Variants in SFT2D2 observed in about 807,000 individuals in gnomAD.
SFT2D2 encodes vesicle transport protein SFT2B.
In SFT2D2, 21 loss-of-function variants were observed where a neutral mutation model predicts 27.4. The observed-to-expected ratio is 0.77, with a 90% CI of 0.54 to 1.10. SFT2D2 has a LOEUF of 1.10. SFT2D2 is among the 50% of genes least tolerant of loss of function. The pLI, the probability that SFT2D2 is intolerant of heterozygous loss-of-function variation, is 0.00. For missense variants in SFT2D2, 187 were observed against 194.2 expected (o/e 0.96, Z 0.22); for synonymous variants, 72 against 71.7 (o/e 1.00, Z -0.02).
At chr1:168,242,018 C>T (rs2280991) in intron 7 of SFT2D2, among the ~76,000 whole-genome samples, 82,114 of 151,992 alleles carry the variant, frequency 0.54, 23,758 homozygotes, top group Non-Finnish European at 0.66. Flanking sequence ...CACTGAATTC[C>T]AAGCAGTAAA....
At chr1:168,226,572 C>G (rs1700461216) in intron 1 of SFT2D2, among the ~76,000 whole-genome samples, 1 of 151,610 alleles carries the variant, frequency 6.6e-6, no homozygotes, top group African/African-American at 2.4e-5. Context: ...GCGGTCCCTA[C>G]CTCGCGACGG....
chr1:168,245,564 C>CTTTTTTT lies in SFT2D2; in HGVS notation c.*3036_*3042dup, dbSNP rs3062328. ...CAGTCCCCATCCAAAGCCAAGCAGG[C>CTTTTTTT]TTTTTTTTTTTTTTTTTTGTAGAAA... On this transcript the variant is annotated 3_prime_UTR_variant, in exon 8 of 8. Coordinates refer to ENST00000271375, the MANE Select transcript of SFT2D2 (RefSeq NM_199344.3). The CTTTTTTT allele has an allele frequency of 1.6e-5, 2 of 122,106 alleles. 1 individual carries two copies. The highest frequency in any genetic ancestry group is 6.2e-5 in the African/African-American group (2 of 32,432). 7.6% of individuals were successfully genotyped at this position (122,106 alleles called of 1,614,324 possible).
At position 168,246,671 on chromosome 1, in the gene SFT2D2, C is replaced by T. The variant is rs904812040; in HGVS notation, c.*4131C>T. On this transcript the variant is annotated 3_prime_UTR_variant, in exon 8 of 8. Coordinates refer to ENST00000271375, the MANE Select transcript of SFT2D2 (RefSeq NM_199344.3). ...TCTGTTGAGTGACTTTGATCATGAT[C>T]ATGTAGAGCAACATTCAGTCTACGA... 5.7e-6 allele frequency: 7 copies of T among 1,226,964 alleles called. No homozygotes were observed. The highest frequency in any genetic ancestry group is 1.5e-5 in the African/African-American group (1 of 67,328). 76.0% of individuals were successfully genotyped at this position (1,226,964 alleles called of 1,614,324 possible). A position where few individuals can be genotyped will look rare whatever the true frequency, so the allele number is the denominator to read the frequency against.
Position 168,226,145 on chromosome 1 carries a change from G to A in SFT2D2, c.63+3G>A. On this transcript the variant is annotated splice_donor_region_variant and intron_variant, in intron 1 of 7. Transcript: ENST00000271375. ...AGGACCGGAGCGGCCTGTCCGAGGT[G>A]AGTGAGCCCGGGGCCGTCGGCCCCC... 1.3e-6 allele frequency: 2 copies of A among 1,531,730 alleles called. No homozygotes were observed. Among genetic ancestry groups the A allele is most frequent in the Non-Finnish European group, 1.8e-6 (2 of 1,138,802 alleles). 94.9% of individuals were successfully genotyped at this position (1,531,730 alleles called of 1,614,324 possible).
chr1:168,244,834 A>T lies in SFT2D2; in HGVS notation c.*2294A>T, dbSNP rs1167263137. Reference sequence around the variant, plus strand: ...CTGGAATAAGACACCTAGAAGGCTCATCCCTCCATGTCCATGTCCTTTTTT... The same window carrying T: ...CTGGAATAAGACACCTAGAAGGCTCTTCCCTCCATGTCCATGTCCTTTTTT... On this transcript the variant is annotated 3_prime_UTR_variant, in exon 8 of 8. Coordinates refer to ENST00000271375, the MANE Select transcript of SFT2D2 (RefSeq NM_199344.3). The T allele has an allele frequency of 6.6e-6, 1 of 151,628 alleles. No individual in the cohort carries two copies. Among genetic ancestry groups the T allele is most frequent in the East Asian group, 1.9e-4 (1 of 5,154 alleles). 9.4% of individuals were successfully genotyped at this position (151,628 alleles called of 1,614,324 possible).
chr1:168,231,739 G>T (rs766848422), intron 2 of SFT2D2, 95 bp from the exon 3 acceptor site: 445 of 1,464,396 alleles, frequency 3.0e-4, no homozygotes, highest in South Asian at 5.7e-4. Flanking sequence ...GAGGTGGGGA[G>T]GGAAACGGAC....
chr1:168,236,596 T>C lies in SFT2D2; in HGVS notation c.326T>C (p.Phe109Ser). ...LIATIMVLLC[F>S]ALTLCSAFWW... ...TTTCCTTTCTTCCTTTAGTTGTGTT[T>C]TGCACTTACCCTGTGTTCTGCCTTT... is the stretch of plus-strand genomic sequence containing the variant. The change falls in exon 5 of 8, where the codon TTT becomes TCT. Residue 109 changes from phenylalanine (F) to serine (S), a missense_variant. By Grantham distance (155) the Phe-to-Ser change is radical. Transcript: ENST00000271375. 1 of 1,613,166 alleles carries C rather than the reference T, an allele frequency of 6.2e-7. No homozygotes were observed. Among genetic ancestry groups the C allele is most frequent in the Non-Finnish European group, 8.5e-7 (1 of 1,179,890 alleles).
chr1:168,230,360 C>CT (rs1312493771), intron 1 of SFT2D2, among the ~76,000 whole-genome samples: 1 of 152,192 alleles, frequency 6.6e-6, no homozygotes, highest in Non-Finnish European at 1.5e-5. Flanking sequence ...TATACATGGC[C>CT]TAGCTGCCCT....
intron 3 of SFT2D2, among the ~76,000 whole-genome samples, chr1:168,232,512 G>A (rs1408636907): frequency 1.3e-5 from 2 of 152,142 alleles, no homozygotes; most frequent in Non-Finnish European, 2.9e-5. Flanking sequence ...TGACCTGCAG[G>A]AACCTGAGCT....
chr1:168,232,764 G>A (rs1426235065), intron 3 of SFT2D2, among the ~76,000 whole-genome samples: 5 of 152,160 alleles, frequency 3.3e-5, no homozygotes, highest in Non-Finnish European at 7.3e-5. Flanking sequence ...AGTCCAGTTT[G>A]GTCCCTGCCA....
chr1:168,226,220 C>A, intron 1 of SFT2D2, 78 bp downstream of exon 1: 1 of 1,326,496 alleles, frequency 7.5e-7, no homozygotes, highest in Non-Finnish European at 1.0e-6. Flanking sequence ...GGGAAGCCTG[C>A]GGGGACTCCC....
chr1:168,236,783 TTAAACAATCC>T lies in SFT2D2; in HGVS notation c.413+14_413+23del, dbSNP rs1480289296. 6.8e-6 allele frequency: 11 copies of T among 1,613,552 alleles called. No homozygotes were observed. In the African/African-American group the frequency reaches 1.5e-4, roughly 22 times the overall value. On this transcript the variant is annotated intron_variant, in intron 6 of 7. Coordinates refer to ENST00000271375, the MANE Select transcript of SFT2D2 (RefSeq NM_199344.3). ...TGGCATTGACGTGGTAAGTAACCTT[TTAAACAATCC>T]CCTCCCACATAGCCCACTGAATAAT...
In SFT2D2 at chr1:168,232,640, T is replaced by C. The variant is rs370579989; in HGVS notation, c.236+721T>C. Among the ~76,000 whole-genome samples the C allele has an allele frequency of 4.6e-5, 7 of 152,346 alleles. No homozygotes were observed. The East Asian group carries it at 1.4e-3, about 29-fold the overall frequency. On this transcript the variant is annotated intron_variant, in intron 3 of 7. Coordinates refer to ENST00000271375, the MANE Select transcript of SFT2D2 (RefSeq NM_199344.3). ...ACCAGGGCTTGATGTAACCCTGTCT[T>C]ACTGGCTCCTTCCTCTTTGTCCCCA...
intron 6 of SFT2D2, among the ~76,000 whole-genome samples, chr1:168,237,718 A>G (rs1372419679): frequency 2.0e-5 from 3 of 152,154 alleles, no homozygotes; most frequent in Admixed American, 6.5e-5. Flanking sequence ...CCCTTTAGCA[A>G]TTTTGGACTT....
chr1:168,248,690 A>T lies in SFT2D2; in HGVS notation c.*6150A>T, dbSNP rs1461706744. ...ACCAGCTCCCTTTTGTACCTCTGGTAGAATTCGGCTGTGAATCCATCTGGT... is the reference window on the plus strand; with the variant it reads ...ACCAGCTCCCTTTTGTACCTCTGGTTGAATTCGGCTGTGAATCCATCTGGT... On this transcript the variant is annotated 3_prime_UTR_variant, in exon 8 of 8. Coordinates refer to ENST00000271375, the MANE Select transcript of SFT2D2 (RefSeq NM_199344.3). 1 of 152,270 alleles carries T rather than the reference A, an allele frequency of 6.6e-6. No homozygotes were observed. The highest frequency in any genetic ancestry group is 1.5e-5 in the Non-Finnish European group (1 of 68,072). 9.4% of individuals were successfully genotyped at this position (152,270 alleles called of 1,614,324 possible).
chr1:168,242,146 C>T (rs1647662413), intron 7 of SFT2D2, among the ~76,000 whole-genome samples: 1 of 152,188 alleles, frequency 6.6e-6, no homozygotes. Context: ...TTAATGCTGT[C>T]AGTGCATTCT....
chr1:168,242,890 G>T lies in SFT2D2; in HGVS notation c.*350G>T, dbSNP rs900960526. On this transcript the variant is annotated 3_prime_UTR_variant, in exon 8 of 8. Transcript: ENST00000271375. ...GCAAGTGATTCCCAGGTGGCAAAAG[G>T]CAGCCCCATCAGAGATCACGGGAGC... 9 of 315,200 alleles carry T rather than the reference G, an allele frequency of 2.9e-5. No individual in the cohort carries two copies. The highest frequency in any genetic ancestry group is 4.9e-5 in the Non-Finnish European group (8 of 162,238). The allele number at this position is 315,200 out of a possible 1,614,324, so 19.5% of individuals were successfully genotyped here. A position where few individuals can be genotyped will look rare whatever the true frequency, so the allele number is the denominator to read the frequency against.
At chr1:168,236,432 T>G (rs1647501637) in intron 4 of SFT2D2, among the ~76,000 whole-genome samples, 157 bp from the exon 5 acceptor site, 1 of 152,184 alleles carries the variant, frequency 6.6e-6, no homozygotes, top group Non-Finnish European at 1.5e-5. Flanking sequence ...TCATGGAGAT[T>G]TTTAACTATT....
chr1:168,245,253 G>A lies in SFT2D2; in HGVS notation c.*2713G>A, dbSNP rs927951574. The A allele has an allele frequency of 4.6e-5, 7 of 152,098 alleles. No homozygotes were observed. Among genetic ancestry groups the A allele is most frequent in the Admixed American group, 1.3e-4 (2 of 15,272 alleles). The allele number at this position is 152,098 out of a possible 1,614,324, so 9.4% of individuals were successfully genotyped here. ...TTACTGAAACCAGCAAGTGAGTTTC[G>A]CAACACAGCAGGATATATAATTGAT... On this transcript the variant is annotated 3_prime_UTR_variant, in exon 8 of 8. Transcript: ENST00000271375.
Sources: gnomAD v4.1 joint callset for allele counts (sites outside exome capture counted in the v4.1 genomes callset) on GRCh38, gnomAD v4.1.1 for gene constraint, MANE v1.5 for transcripts, NCBI Gene and HGNC (gene_info 2026-07-23, HGNC 2026-07-21) for gene names.